Variants in CSMD3 observed in about 807,000 individuals in gnomAD.
CSMD3 encodes the protein CUB and sushi domain-containing protein 3.
CSMD3 carries 177 observed loss-of-function variants against 435.2 expected under a neutral mutation model. The ratio of observed to expected loss-of-function variants is 0.41; its 90% CI spans 0.36 to 0.46. The LOEUF (loss-of-function observed/expected upper bound fraction) is 0.46. Among genes scored for constraint, CSMD3 ranks in the 20% least tolerant of loss-of-function variants. The pLI is 0.34. For missense variants in CSMD3, 4,265 were observed against 4,504.6 expected (o/e 0.95, Z 1.52); for synonymous variants, 1,656 against 1,520.5 (o/e 1.09, Z -2.07).
intron 59 of CSMD3, 80 bp downstream of exon 59, chr8:112,281,094 A>G (rs1818581885): frequency 1.8e-6 from 2 of 1,108,930 alleles, no homozygotes; most frequent in South Asian, 2.6e-5. Flanking sequence ...TTTATTAATT[A>G]CAAAACACAC....
intron 3 of CSMD3, among the ~76,000 whole-genome samples, chr8:113,196,628 G>C (rs1189791064): frequency 6.6e-6 from 1 of 151,196 alleles, no homozygotes; most frequent in African/African-American, 2.4e-5. Context: ...TTGGAACAGA[G>C]AGCAGGAGAA....
intron 27 of CSMD3, among the ~76,000 whole-genome samples, chr8:112,525,788 A>ATG (rs1824852963): frequency 1.5e-5 from 2 of 137,618 alleles, no homozygotes; most frequent in Non-Finnish European, 3.1e-5. Context: ...GTGTGTGTAT[A>ATG]TATATATGTA....
rs184114981 is a variant in CSMD3, at chr8:113,214,360, G to T, written c.515-40444C>A. Among the ~76,000 whole-genome samples the T allele has an allele frequency of 1.9e-3, 289 of 151,930 alleles. 6 individuals carry two copies. The highest frequency in any genetic ancestry group is 0.014 in the Admixed American group (211 of 15,198). ...TTGAGGAGCAGATATAGGTTATTGG[G>T]TTCATTCATGCTAACTTTTTGACCA... is the stretch of plus-strand genomic sequence containing the variant. On this transcript the variant is annotated intron_variant, in intron 3 of 70. Transcript: ENST00000297405.
intron 13 of CSMD3, among the ~76,000 whole-genome samples, chr8:112,797,709 T>C (rs2078861316): frequency 6.6e-6 from 1 of 151,858 alleles, no homozygotes. Context: ...ATGAAAATTA[T>C]TTTTAGTAGG....
chr8:112,760,949 G>A (rs1587207946), intron 13 of CSMD3, among the ~76,000 whole-genome samples: 1 of 152,230 alleles, frequency 6.6e-6, no homozygotes, highest in Non-Finnish European at 1.5e-5. Flanking sequence ...GAGAAGATGT[G>A]ATTATTCAAA....
chr8:112,720,914 A>G (rs1164785948), intron 13 of CSMD3, among the ~76,000 whole-genome samples: 1 of 152,200 alleles, frequency 6.6e-6, no homozygotes, highest in Non-Finnish European at 1.5e-5. Flanking sequence ...GTATTCTGAA[A>G]TTATCAGTTT....
chr8:113,271,316 C>CT (rs1809779436), intron 3 of CSMD3, among the ~76,000 whole-genome samples: 1 of 152,096 alleles, frequency 6.6e-6, no homozygotes, highest in African/African-American at 2.4e-5. Context: ...CGTCACAGGT[C>CT]TTTATGGCAG....
intron 6 of CSMD3, among the ~76,000 whole-genome samples, chr8:112,998,083 A>C (rs2085722548): frequency 6.6e-6 from 1 of 151,640 alleles, no homozygotes; most frequent in South Asian, 2.1e-4. Flanking sequence ...AATGATTTAT[A>C]CATTACATAA....
chr8:112,403,283 G>A (rs1831492113), intron 35 of CSMD3, among the ~76,000 whole-genome samples: 1 of 152,150 alleles, frequency 6.6e-6, no homozygotes, highest in South Asian at 2.1e-4. Flanking sequence ...CCCTTACTAT[G>A]CTCTGCCACT....
At chr8:113,073,136 A>G (rs2089196998) in intron 5 of CSMD3, among the ~76,000 whole-genome samples, 1 of 151,816 alleles carries the variant, frequency 6.6e-6, no homozygotes, top group Non-Finnish European at 1.5e-5. Context: ...TATCCATATG[A>G]AATTTCTTTG....
Position 112,237,199 on chromosome 8 carries a change from G to A in CSMD3, c.10618C>T (p.Leu3540=), listed in dbSNP as rs139899414. The A allele has an allele frequency of 3.7e-5, 60 of 1,613,382 alleles. No homozygotes were observed. Among genetic ancestry groups the A allele is most frequent in the Non-Finnish European group, 4.7e-5 (55 of 1,179,562 alleles). Residue 3540 remains leucine (L), a synonymous_variant, in exon 67 of 71, where the codon CTA becomes TTA. Transcript: ENST00000297405. ...ATLSNSNMEL[L]LSGVYKSQEA... is the part of the protein sequence containing the mutation. ...GTTTTTATTGCGATACCTGAAAGTA[G>A]CAGCTCCATGTTGCTATTGCTCAGT...
At chr8:112,910,939 C>A (rs552619167) in intron 10 of CSMD3, among the ~76,000 whole-genome samples, 19 of 151,950 alleles carry the variant, frequency 1.3e-4, no homozygotes, top group African/African-American at 4.6e-4. Context: ...CAATGTTGAT[C>A]ACATCTGATT....
chr8:112,780,538 T>C (rs1304346613), intron 13 of CSMD3, among the ~76,000 whole-genome samples: 2 of 151,966 alleles, frequency 1.3e-5, no homozygotes, highest in Non-Finnish European at 2.9e-5. Flanking sequence ...TACCTGCTTT[T>C]AATATCATGT....
intron 70 of CSMD3, among the ~76,000 whole-genome samples, chr8:112,225,972 T>C (rs1280744116): frequency 6.6e-6 from 1 of 152,190 alleles, no homozygotes; most frequent in Non-Finnish European, 1.5e-5. Context: ...CTGCTATCTG[T>C]TTCTGGGGCC....
At chr8:112,736,574 C>T (rs1212624795) in intron 13 of CSMD3, among the ~76,000 whole-genome samples, 1 of 152,024 alleles carries the variant, frequency 6.6e-6, no homozygotes, top group African/African-American at 2.4e-5. Flanking sequence ...AATCTATGAA[C>T]TCTTTGAAGC....
intron 31 of CSMD3, among the ~76,000 whole-genome samples, chr8:112,489,221 CA>C (rs1317227703): frequency 6.6e-6 from 1 of 151,894 alleles, no homozygotes; most frequent in Non-Finnish European, 1.5e-5. Context: ...AGTTCGAGAC[CA>C]GCCTGGGTAA....
At position 112,627,420 on chromosome 8, in the gene CSMD3, C is replaced by T. The variant is rs928667022; in HGVS notation, c.3715+9397G>A. The stretch of plus-strand genomic sequence containing the variant: ...AATTCTTTCTCGTGTGAGAGTCTCA[C>T]TCTTGCAATTGCTTCTAGGACATGA... On this transcript the variant is annotated intron_variant, in intron 22 of 70. Coordinates refer to ENST00000297405, the MANE Select transcript of CSMD3 (RefSeq NM_198123.2). 2.0e-5 allele frequency among the ~76,000 whole-genome samples: 3 copies of T among 152,050 alleles called. No individual in the cohort carries two copies. In the South Asian group the frequency reaches 6.2e-4, roughly 31 times the overall value.
intron 38 of CSMD3, among the ~76,000 whole-genome samples, chr8:112,376,588 A>T (rs983555809): frequency 6.6e-6 from 1 of 152,012 alleles, no homozygotes; most frequent in African/African-American, 2.4e-5. Flanking sequence ...GAATGAGGTG[A>T]TGTTGAGGAG....
Position 113,346,303 on chromosome 8 carries a change from T to A in CSMD3, c.179-31510A>T, listed in dbSNP as rs181048138. Among the ~76,000 whole-genome samples, 632 of 152,168 alleles carry A rather than the reference T, an allele frequency of 4.2e-3. 7 individuals are homozygous for A. Among genetic ancestry groups the A allele is most frequent in the South Asian group, 0.022 (107 of 4,832 alleles). The stretch of plus-strand genomic sequence containing the variant: ...TTAACTTTCTGAGTTTCCACCCCAC[T>A]TTTCTCTTTACTTTCTTTTCTGATA... On this transcript the variant is annotated intron_variant, in intron 1 of 70. Transcript: ENST00000297405.
Sources: allele counts gnomAD v4.1 joint callset (sites outside exome capture counted in the v4.1 genomes callset), GRCh38; gene constraint gnomAD v4.1.1; transcripts MANE v1.5; gene names NCBI Gene and HGNC (gene_info 2026-07-23, HGNC 2026-07-21).